Variants in DAP3 observed in about 807,000 individuals in gnomAD.
DAP3 encodes death associated protein 3, also known as small ribosomal subunit protein mS29.
DAP3 carries 28 observed loss-of-function variants against 51.9 expected under a neutral mutation model. That is an observed-to-expected ratio of 0.54 (90% CI 0.40 to 0.74). DAP3 has a LOEUF of 0.74. DAP3 is among the 30% of genes least tolerant of loss of function. The pLI is 0.00. For missense variants in DAP3, 458 were observed against 483.5 expected (o/e 0.95, Z 0.49); for synonymous variants, 170 against 170.3 (o/e 1.00, Z 0.01).
At chr1:155,734,567 C>T (rs938098796) in intron 11 of DAP3, among the ~76,000 whole-genome samples, 2 of 152,266 alleles carry the variant, frequency 1.3e-5, no homozygotes, top group African/African-American at 4.8e-5. Flanking sequence ...CTGGAATCTC[C>T]ATTTCTCCAA....
chr1:155,729,376 C>G lies in DAP3; in HGVS notation c.843+10C>G. 2.5e-6 allele frequency: 4 copies of G among 1,612,794 alleles called. No homozygotes were observed. Among genetic ancestry groups the G allele is most frequent in the Non-Finnish European group, 3.4e-6 (4 of 1,179,536 alleles). ...AGAAGATAAAAGCCCGGTAGGAAAA[C>G]TGGGTGTCTCTATCTTGTTTCTCTG... On this transcript the variant is annotated intron_variant, in intron 9 of 12. Transcript: ENST00000368336.
At chr1:155,734,480 A>G (rs906925765) in intron 11 of DAP3, among the ~76,000 whole-genome samples, 1 of 152,040 alleles carries the variant, frequency 6.6e-6, no homozygotes, top group East Asian at 1.9e-4. Flanking sequence ...TCCAGCTCCT[A>G]TCATTCTTTG....
Position 155,738,386 on chromosome 1 carries a change from C to A in DAP3, c.*144C>A. ...GACAGGACTGCAGTTGGCTCTGGAC[C>A]TGCATTAAAATGGGTTTCACTGTGA... On this transcript the variant is annotated 3_prime_UTR_variant, in exon 13 of 13. Transcript: ENST00000368336. 2.8e-6 allele frequency: 2 copies of A among 708,782 alleles called. No homozygotes were observed. Among genetic ancestry groups the A allele is most frequent in the South Asian group, 2.3e-5 (1 of 44,402 alleles). The allele number at this position is 708,782 out of a possible 1,614,324, so 43.9% of individuals were successfully genotyped here.
intron 2 of DAP3, among the ~76,000 whole-genome samples, chr1:155,716,791 T>TA (rs1657384675): frequency 6.7e-6 from 1 of 149,352 alleles, no homozygotes; most frequent in South Asian, 2.1e-4. Flanking sequence ...ACTAAAAATA[T>TA]AAAAAATCAG....
At chr1:155,707,293 G>T (rs947472219) in intron 1 of DAP3, among the ~76,000 whole-genome samples, 4 of 149,728 alleles carry the variant, frequency 2.7e-5, no homozygotes, top group Non-Finnish European at 4.4e-5. Flanking sequence ...GGCGCCTGTA[G>T]TCCCAGCTAC....
intron 1 of DAP3, among the ~76,000 whole-genome samples, chr1:155,691,683 G>A (rs944306651): frequency 2.1e-5 from 3 of 141,812 alleles, no homozygotes; most frequent in Admixed American, 6.6e-5. Context: ...TGGCCTCACC[G>A]CTTAAAAAAT....
chr1:155,726,851 T>C (rs1425611656), intron 6 of DAP3: 1 of 150,970 alleles, frequency 6.6e-6, no homozygotes, highest in Non-Finnish European at 1.5e-5. Flanking sequence ...ACTGAGCTCA[T>C]CCATCATGAT....
chr1:155,725,463 G>A lies in DAP3; in HGVS notation c.352G>A (p.Ala118Thr). Reference protein sequence around the residue: ...LLHYLKNTSFAYPAIRYLLYG... With the variant: ...LLHYLKNTSFTYPAIRYLLYG... ...GCATTACCTGAAAAACACCAGTTTT[G>A]CTTATCCAGCTATACGATATCTTCT... The change falls in exon 5 of 13, where the codon GCT becomes ACT. Residue 118 changes from alanine (A) to threonine (T), a missense_variant. Transcript: ENST00000368336. 1 of 1,614,058 alleles carries A rather than the reference G, an allele frequency of 6.2e-7. No individual in the cohort carries two copies. The highest frequency in any genetic ancestry group is 8.5e-7 in the Non-Finnish European group (1 of 1,180,004).
chr1:155,704,087 CAGTG>C (rs1655659955), intron 1 of DAP3, among the ~76,000 whole-genome samples: 1 of 152,164 alleles, frequency 6.6e-6, no homozygotes, highest in Non-Finnish European at 1.5e-5. Flanking sequence ...TTAGGGGCTG[CAGTG>C]AGCCTAGATT....
intron 1 of DAP3, among the ~76,000 whole-genome samples, chr1:155,692,535 C>G (rs990822363): frequency 7.0e-6 from 1 of 142,100 alleles, no homozygotes; most frequent in Non-Finnish European, 1.5e-5. Flanking sequence ...CTCTAACGGT[C>G]TTAATCCACT....
Position 155,700,628 on chromosome 1 carries a change from C to T in DAP3, c.-7-9145C>T, listed in dbSNP as rs1380462546. 9.6e-4 allele frequency among the ~76,000 whole-genome samples: 140 copies of T among 145,524 alleles called. 1 individual carries two copies. The highest frequency in any genetic ancestry group is 1.8e-3 in the Non-Finnish European group (116 of 65,866). On this transcript the variant is annotated intron_variant, in intron 1 of 12. Coordinates refer to ENST00000368336, the MANE Select transcript of DAP3 (RefSeq NM_004632.4). Reference sequence around the variant, plus strand: ...CCGGGAGGTGAGGGGCGCCTCGGCCCGGCCGCCCCTACTGGGAAGTGAGGA... The same window carrying T: ...CCGGGAGGTGAGGGGCGCCTCGGCCTGGCCGCCCCTACTGGGAAGTGAGGA...
intron 11 of DAP3, among the ~76,000 whole-genome samples, chr1:155,733,845 CAAAA>C (rs1229037435): frequency 6.6e-6 from 1 of 151,084 alleles, no homozygotes; most frequent in African/African-American, 2.4e-5. Flanking sequence ...TCAAGAAAAA[CAAAA>C]AACAAAAAAA....
At chr1:155,718,203 T>C (rs931721182) in intron 3 of DAP3, among the ~76,000 whole-genome samples, 28 of 151,932 alleles carry the variant, frequency 1.8e-4, no homozygotes, top group African/African-American at 6.3e-4. Flanking sequence ...CTAGCCAACA[T>C]GGCGAAAGCC....
At position 155,731,084 on chromosome 1, in the gene DAP3, A is replaced by G. The variant is rs1442627193; in HGVS notation, c.844-272A>G. 2.8e-4 allele frequency among the ~76,000 whole-genome samples: 42 copies of G among 152,138 alleles called. 1 individual carries two copies. The stretch of plus-strand genomic sequence containing the variant: ...GGAGTTTGAGACCGTCCTGGCTAAC[A>G]CGGGGAAACCCTGTCTCTACTAAAA... On this transcript the variant is annotated intron_variant, in intron 9 of 12. Transcript: ENST00000368336.
chr1:155,730,571 G>A (rs1337487112), intron 9 of DAP3, among the ~76,000 whole-genome samples: 2 of 151,984 alleles, frequency 1.3e-5, no homozygotes, highest in Admixed American at 6.6e-5. Flanking sequence ...AGTGGAGATC[G>A]TGCCACTGCA....
intron 1 of DAP3, among the ~76,000 whole-genome samples, chr1:155,700,165 G>A (rs1558338402): frequency 6.6e-6 from 1 of 152,032 alleles, no homozygotes; most frequent in Non-Finnish European, 1.5e-5. Context: ...TCAATCTCTT[G>A]ACTTCATGAT....
chr1:155,727,199 C>A (rs1195880590), intron 6 of DAP3, among the ~76,000 whole-genome samples: 1 of 152,028 alleles, frequency 6.6e-6, no homozygotes, highest in Non-Finnish European at 1.5e-5. Context: ...TTTTAAACAA[C>A]CCTGCTTATG....
chr1:155,722,225 G>A (rs539263951), intron 4 of DAP3, among the ~76,000 whole-genome samples: 1 of 152,202 alleles, frequency 6.6e-6, no homozygotes, highest in African/African-American at 2.4e-5. Context: ...AGGCAACATA[G>A]GGAGACCTGT....
intron 2 of DAP3, among the ~76,000 whole-genome samples, chr1:155,713,826 A>G (rs1004724337): frequency 4.6e-5 from 7 of 152,230 alleles, no homozygotes; most frequent in African/African-American, 1.7e-4. Context: ...TTCTAGGTTT[A>G]AAACTAGTAC....
Sources: allele counts gnomAD v4.1 joint callset (sites outside exome capture counted in the v4.1 genomes callset), GRCh38; gene constraint gnomAD v4.1.1; transcripts MANE v1.5; gene names NCBI Gene and HGNC (gene_info 2026-07-23, HGNC 2026-07-21).